CRK: variants seen among roughly 807,000 people sequenced by gnomAD.
The protein encoded by CRK is CRK proto-oncogene, adaptor protein, also known as adapter molecule crk.
CRK carries 4 observed loss-of-function variants against 29.8 expected under a neutral mutation model. That is an observed-to-expected ratio of 0.13 (90% CI 0.07 to 0.31). CRK has a LOEUF of 0.31. CRK is among the 10% of genes least tolerant of loss of function. The pLI is 1.00. For missense variants in CRK, 274 were observed against 396.5 expected, an observed-to-expected ratio of 0.69 and a Z score of 2.62; for synonymous variants, 153 against 164.9, an observed-to-expected ratio of 0.93 and a Z score of 0.55.
Position 1,451,244 on chromosome 17 carries a change from T to A in CRK, c.241+4633A>T, listed in dbSNP as rs555028370. Among the ~76,000 whole-genome samples, 9 of 148,944 alleles carry A rather than the reference T, an allele frequency of 6.0e-5. No homozygotes were observed. The East Asian group carries it at 1.4e-3, about 23-fold the overall frequency. On this transcript the variant is annotated intron_variant, in intron 1 of 2. Transcript: ENST00000300574. ...CAATTTTAAAAAGCTTCTTCATCAT[T>A]GACTTTAGATAGCAGATGTGTATTG...
At chr17:1,428,806 G>C (rs1277623451) in intron 2 of CRK, among the ~76,000 whole-genome samples, 1 of 151,714 alleles carries the variant, frequency 6.6e-6, no homozygotes, top group African/African-American at 2.4e-5. Flanking sequence ...ACAGGCGTGA[G>C]CCACCACGCC....
rs1418749193 is a variant in CRK at position 1,446,965 on chromosome 17, GTACTT to G, written c.241+8907_241+8911del. On this transcript the variant is annotated intron_variant, in intron 1 of 2. Coordinates refer to ENST00000300574, the MANE Select transcript of CRK (RefSeq NM_016823.4). Reference sequence around the variant, plus strand: ...CAAAACGCCACGGAAAACCTTTGATGTACTTTACTTATAAATTATTTTTCTATTCT... The same window carrying G: ...CAAAACGCCACGGAAAACCTTTGATGTACTTATAAATTATTTTTCTATTCT... 3.9e-5 allele frequency among the ~76,000 whole-genome samples: 6 copies of G among 152,144 alleles called. No homozygotes were observed. The South Asian group carries it at 8.3e-4, about 21-fold the overall frequency.
At chr17:1,435,330 G>C (rs2073878662) in intron 2 of CRK, among the ~76,000 whole-genome samples, 1 of 152,070 alleles carries the variant, frequency 6.6e-6, no homozygotes, top group African/African-American at 2.4e-5. Flanking sequence ...GGGATTACAG[G>C]TATGAGCCAC....
chr17:1,436,716 G>T lies in CRK; in HGVS notation c.681C>A (p.Asn227Lys), dbSNP rs911274067. 6.8e-6 allele frequency: 11 copies of T among 1,609,392 alleles called. No homozygotes were observed. The African/African-American group carries it at 1.5e-4, about 22-fold the overall frequency. Residue 227 changes from asparagine (N) to lysine (K), a missense_variant, in exon 2 of 3, where the codon AAC becomes AAA. Asn to Lys is a moderately conservative substitution (Grantham distance 94). Transcript: ENST00000300574. ...EPGPYAQPSV[N>K]TPLPNLQNGP... The stretch of plus-strand genomic sequence containing the variant: ...CATTCTGGAGGTTAGGGAGCGGAGT[G>T]TTGACGCTGGGTTGGGCATAGGGCC...
chr17:1,455,418 A>G (rs973599453), intron 1 of CRK, among the ~76,000 whole-genome samples: 6 of 152,188 alleles, frequency 3.9e-5, no homozygotes, highest in Non-Finnish European at 8.8e-5. Context: ...ACCAAAGGCC[A>G]CCAGGGGAGC....
At chr17:1,453,488 A>G (rs117603445) in intron 1 of CRK, among the ~76,000 whole-genome samples, 32 of 152,316 alleles carry the variant, frequency 2.1e-4, no homozygotes, top group Middle Eastern at 3.4e-3. Flanking sequence ...AAAGTAGAAT[A>G]TATCTGGTTC....
intron 2 of CRK, among the ~76,000 whole-genome samples, chr17:1,428,355 G>C (rs1429266808): frequency 2.0e-5 from 3 of 151,588 alleles, no homozygotes; most frequent in Non-Finnish European, 2.9e-5. Context: ...CTGACTTCAT[G>C]ATCTGCCTAC....
intron 2 of CRK, among the ~76,000 whole-genome samples, chr17:1,425,499 A>T (rs1458361078): frequency 6.6e-6 from 1 of 152,060 alleles, no homozygotes; most frequent in Non-Finnish European, 1.5e-5. Context: ...GGCTCATGGG[A>T]TCCTCCAACC....
At chr17:1,445,710 T>A (rs1309859428) in intron 1 of CRK, among the ~76,000 whole-genome samples, 3 of 152,148 alleles carry the variant, frequency 2.0e-5, no homozygotes, top group Admixed American at 6.6e-5. Flanking sequence ...AGGGTCAGTG[T>A]GAGCGCATAG....
chr17:1,440,727 C>T (rs552786932), intron 1 of CRK, among the ~76,000 whole-genome samples: 174 of 151,288 alleles, frequency 1.2e-3, no homozygotes, highest in African/African-American at 4.0e-3. Flanking sequence ...GTCTCAAAAA[C>T]AAACAAACAA....
At chr17:1,432,024 T>C (rs1184378207) in intron 2 of CRK, among the ~76,000 whole-genome samples, 1 of 152,200 alleles carries the variant, frequency 6.6e-6, no homozygotes, top group Non-Finnish European at 1.5e-5. Flanking sequence ...TTAACCTTTC[T>C]TTCCAAGAGG....
At chr17:1,446,755 GTTT>G (rs1046658082) in intron 1 of CRK, among the ~76,000 whole-genome samples, 1 of 150,182 alleles carries the variant, frequency 6.7e-6, no homozygotes, top group Non-Finnish European at 1.5e-5. Flanking sequence ...CCACGCCCGG[GTTT>G]TTTTTTCTGT....
At chr17:1,438,264 G>C (rs1367069674) in intron 1 of CRK, among the ~76,000 whole-genome samples, 2 of 151,900 alleles carry the variant, frequency 1.3e-5, no homozygotes, top group Admixed American at 1.3e-4. Flanking sequence ...TGAGCAGCTG[G>C]GACTACAGGC....
intron 1 of CRK, among the ~76,000 whole-genome samples, chr17:1,453,740 C>A (rs1270304989): frequency 6.6e-6 from 1 of 152,016 alleles, no homozygotes; most frequent in Non-Finnish European, 1.5e-5. Context: ...AACCCCAACC[C>A]TACTAAAAAT....
chr17:1,453,387 A>C lies in CRK; in HGVS notation c.241+2490T>G, dbSNP rs577595045. 3.0e-4 allele frequency among the ~76,000 whole-genome samples: 46 copies of C among 152,334 alleles called. No individual in the cohort carries two copies. In the South Asian group the frequency reaches 9.3e-3, roughly 31 times the overall value. The stretch of plus-strand genomic sequence containing the variant: ...TTCAACTTTGGCAACCAACAAACAC[A>C]AACAAAAGGCTGAAAAGTGAGTTTC... On this transcript the variant is annotated intron_variant, in intron 1 of 2. Transcript: ENST00000300574.
At chr17:1,427,030 C>CAAAAAAAAAAAAAAAAAAAAAAAA (rs562515421) in intron 2 of CRK, among the ~76,000 whole-genome samples, 1 of 35,304 alleles carries the variant, frequency 2.8e-5, no homozygotes, top group African/African-American at 1.1e-4. Flanking sequence ...AAACTGTCTC[C>CAAAAAAAAAAAAAAAAAAAAAAAA]AAAAAAAAAA....
Position 1,422,919 on chromosome 17 carries a change from G to T in CRK, c.*594C>A, listed in dbSNP as rs1021407302. The T allele has an allele frequency of 2.0e-5, 8 of 398,994 alleles. No individual in the cohort carries two copies. Among genetic ancestry groups the T allele is most frequent in the African/African-American group, 1.4e-4 (7 of 48,748 alleles). 24.7% of individuals were successfully genotyped at this position (398,994 alleles called of 1,614,324 possible). On this transcript the variant is annotated 3_prime_UTR_variant, in exon 3 of 3. Coordinates refer to ENST00000300574, the MANE Select transcript of CRK (RefSeq NM_016823.4). Reference sequence around the variant, plus strand: ...GGGACAAGAATGTCAAGGGCTAAAAGAATCCCAAGAAAAAGTATGAAGCAT... The same window carrying T: ...GGGACAAGAATGTCAAGGGCTAAAATAATCCCAAGAAAAAGTATGAAGCAT...
intron 2 of CRK, among the ~76,000 whole-genome samples, chr17:1,427,779 G>C (rs2073795413): frequency 6.6e-6 from 1 of 151,534 alleles, no homozygotes; most frequent in South Asian, 2.1e-4. Flanking sequence ...ACAAGCACAA[G>C]CCACCATGCC....
chr17:1,443,557 G>A (rs1331004404), intron 1 of CRK, among the ~76,000 whole-genome samples: 4 of 151,158 alleles, frequency 2.6e-5, no homozygotes, highest in Admixed American at 1.3e-4. Flanking sequence ...CACCACGCCC[G>A]GCTAATTTTT....
Sources: gnomAD v4.1 joint callset for allele counts (sites outside exome capture counted in the v4.1 genomes callset) on GRCh38, gnomAD v4.1.1 for gene constraint, MANE v1.5 for transcripts, NCBI Gene and HGNC (gene_info 2026-07-23, HGNC 2026-07-21) for gene names.